CCDC141: variants seen among roughly 807,000 people sequenced by gnomAD.
The protein encoded by CCDC141 is coiled-coil domain-containing protein 141.
A neutral mutation model predicts 181.0 loss-of-function variants in CCDC141; 168 were observed. The observed-to-expected ratio is 0.93, with a 90% CI of 0.82 to 1.05. CCDC141 has a LOEUF of 1.05. Among genes scored for constraint, CCDC141 ranks in the 50% least tolerant of loss-of-function variants. The pLI is 0.00. For synonymous variants in CCDC141, 666 were observed against 642.3 expected (o/e 1.04, Z -0.56); for missense variants, 1,902 against 1,788.5 (o/e 1.06, Z -1.14).
intron 12 of CCDC141, chr2:178,876,565 A>G (rs1326418550): frequency 6.6e-6 from 1 of 152,218 alleles, no homozygotes; most frequent in Non-Finnish European, 1.5e-5. Context: ...ACTTAATACA[A>G]AGATTATGAA....
At position 178,837,648 on chromosome 2, in the gene CCDC141, C is replaced by T. The variant is rs370699879; in HGVS notation, c.3571G>A (p.Val1191Ile). 95 of 1,613,892 alleles carry T rather than the reference C, an allele frequency of 5.9e-5. No homozygotes were observed. The highest frequency in any genetic ancestry group is 5.5e-4 in the Admixed American group (33 of 59,990). The change falls in exon 23 of 24, where the codon GTC becomes ATC. Residue 1191 changes from valine to isoleucine, a missense_variant. Physicochemically the swap from Val to Ile is conservative, Grantham distance 29. Coordinates refer to ENST00000443758, the MANE Select transcript of CCDC141 (RefSeq NM_173648.4). ...TCTTCAGGCAGGAGCAGGTCCTGGACGCCACCCTCCTTGTCAGTGGACACC... is the reference window on the plus strand; with the variant it reads ...TCTTCAGGCAGGAGCAGGTCCTGGATGCCACCCTCCTTGTCAGTGGACACC... ...LKVSTDKEGG[V>I]QDLLLPEDML...
In CCDC141 at chr2:178,829,960, G is replaced by A. The variant is rs762029068; in HGVS notation, c.*4213C>T. 6 of 152,150 alleles carry A rather than the reference G, an allele frequency of 3.9e-5. No homozygotes were observed. Among genetic ancestry groups the A allele is most frequent in the African/African-American group, 1.2e-4 (5 of 41,430 alleles). The allele number at this position is 152,150 out of a possible 1,614,324, so 9.4% of individuals were successfully genotyped here. On this transcript the variant is annotated 3_prime_UTR_variant, in exon 24 of 24. Coordinates refer to ENST00000443758, the MANE Select transcript of CCDC141 (RefSeq NM_173648.4). ...GGAATTCAAATACTCTTAAGTTCTT[G>A]GATTTGGCTTTCTTTATATTTACAA... is the stretch of plus-strand genomic sequence containing the variant.
intron 6 of CCDC141, 43 bp downstream of exon 6, chr2:178,944,492 T>C: frequency 1.1e-6 from 1 of 910,138 alleles, no homozygotes. Context: ...GAAAAGTTAA[T>C]GCATTTTTCA....
chr2:178,845,315 G>A (rs750735842), intron 22 of CCDC141, among the ~76,000 whole-genome samples: 2 of 152,178 alleles, frequency 1.3e-5, no homozygotes, highest in African/African-American at 2.4e-5. Flanking sequence ...GGAAAAGGCA[G>A]CTAGAGATGG....
intron 5 of CCDC141, among the ~76,000 whole-genome samples, chr2:178,960,610 C>T (rs766489643): frequency 6.6e-6 from 1 of 152,156 alleles, no homozygotes; most frequent in Non-Finnish European, 1.5e-5. Flanking sequence ...CCACTCTTCA[C>T]ATCAAATAAT....
Position 178,832,490 on chromosome 2 carries a change from A to T in CCDC141, c.*1683T>A, listed in dbSNP as rs1438406282. The T allele has an allele frequency of 2.0e-5, 3 of 151,172 alleles. No homozygotes were observed. The highest frequency in any genetic ancestry group is 2.1e-4 in the South Asian group (1 of 4,810). 9.4% of individuals were successfully genotyped at this position (151,172 alleles called of 1,614,324 possible). ...CAAAAAAAAAAAAAAAAAACAAAAA[A>T]AACAAAAAAAAGATAGTTAAGAGAA... On this transcript the variant is annotated 3_prime_UTR_variant, in exon 24 of 24. Transcript: ENST00000443758.
chr2:178,841,145 A>G (rs1016642926), intron 22 of CCDC141, among the ~76,000 whole-genome samples: 1 of 152,198 alleles, frequency 6.6e-6, no homozygotes, highest in Non-Finnish European at 1.5e-5. Flanking sequence ...CATTAATGCT[A>G]TTGATGAAAA....
chr2:179,013,733 C>T (rs555522053), intron 2 of CCDC141, among the ~76,000 whole-genome samples: 12 of 151,812 alleles, frequency 7.9e-5, no homozygotes, highest in African/African-American at 1.2e-4. Context: ...TTTGGGAGGC[C>T]GAGGCAGGTG....
rs545227630 is a variant in CCDC141, at chr2:178,905,107, G to A, written c.1265+222C>T. Among the ~76,000 whole-genome samples, 19 of 152,240 alleles carry A rather than the reference G, an allele frequency of 1.2e-4. 1 individual carries two copies. In the South Asian group the frequency reaches 3.9e-3, roughly 32 times the overall value. On this transcript the variant is annotated intron_variant, in intron 8 of 23. Transcript: ENST00000443758. ...AGAAACGAGTAAACAGAAAGCTTTAGCATATGTAAGTCTCCAGGCTCAGAA... is the reference window on the plus strand; with the variant it reads ...AGAAACGAGTAAACAGAAAGCTTTAACATATGTAAGTCTCCAGGCTCAGAA...
Position 178,835,248 on chromosome 2 carries a change from T to C in CCDC141, c.4326-808A>G, listed in dbSNP as rs573503565. 2.0e-5 allele frequency among the ~76,000 whole-genome samples: 3 copies of C among 152,304 alleles called. No homozygotes were observed. The East Asian group carries it at 5.8e-4, about 29-fold the overall frequency. ...GATGTGCTGTTTTAGAGGACTGTAC[T>C]TAATATCACCTCCTGATGAGATCAC... On this transcript the variant is annotated intron_variant, in intron 23 of 23. Coordinates refer to ENST00000443758, the MANE Select transcript of CCDC141 (RefSeq NM_173648.4).
At chr2:179,048,950 T>G (rs1251649146) in intron 1 of CCDC141, among the ~76,000 whole-genome samples, 1 of 152,178 alleles carries the variant, frequency 6.6e-6, no homozygotes, top group Non-Finnish European at 1.5e-5. Flanking sequence ...GAAAAGTCAT[T>G]CAATTAAACC....
chr2:178,934,831 C>T (rs1689224559), intron 6 of CCDC141, among the ~76,000 whole-genome samples: 2 of 152,182 alleles, frequency 1.3e-5, no homozygotes, highest in Admixed American at 6.6e-5. Flanking sequence ...ATAGGAGCTT[C>T]ACTAATGAAT....
intron 7 of CCDC141, among the ~76,000 whole-genome samples, chr2:178,911,302 T>G (rs1337630397): frequency 6.6e-6 from 1 of 152,228 alleles, no homozygotes; most frequent in Non-Finnish European, 1.5e-5. Flanking sequence ...ACGTATTAAC[T>G]TACTTAGACA....
At chr2:178,877,839 T>G (rs1256934672) in intron 12 of CCDC141, 125 bp downstream of exon 12, 2 of 901,486 alleles carry the variant, frequency 2.2e-6, no homozygotes, top group Middle Eastern at 2.5e-4. Context: ...CTAGGTTGAA[T>G]GAAGCTAAAG....
chr2:179,032,161 G>A (rs1051153718), intron 2 of CCDC141, among the ~76,000 whole-genome samples: 1 of 152,078 alleles, frequency 6.6e-6, no homozygotes, highest in Non-Finnish European at 1.5e-5. Context: ...GGGGCTTTAG[G>A]TTCCTCACTC....
At chr2:179,001,012 AT>A (rs2041954637) in intron 2 of CCDC141, among the ~76,000 whole-genome samples, 1 of 152,138 alleles carries the variant, frequency 6.6e-6, no homozygotes, top group Non-Finnish European at 1.5e-5. Flanking sequence ...GGCCTGGGTG[AT>A]GCTCATTTGC....
chr2:178,866,872 C>T (rs1009893464), intron 16 of CCDC141, among the ~76,000 whole-genome samples: 21 of 152,194 alleles, frequency 1.4e-4, no homozygotes, highest in Middle Eastern at 3.4e-3. Flanking sequence ...ATTACAGGCA[C>T]GTAATACCAC....
chr2:179,027,382 C>T (rs377341902), intron 2 of CCDC141, among the ~76,000 whole-genome samples: 58 of 152,136 alleles, frequency 3.8e-4, no homozygotes, highest in African/African-American at 1.3e-3. Context: ...TGGTGGCTCA[C>T]GCCTGTAATC....
chr2:178,871,726 G>A (rs896281023), intron 13 of CCDC141, among the ~76,000 whole-genome samples, 174 bp from the exon 14 acceptor site: 1 of 152,064 alleles, frequency 6.6e-6, no homozygotes, highest in Non-Finnish European at 1.5e-5. Flanking sequence ...CTTGGTTTCT[G>A]CTGCCTTTTT....
Sources: allele counts gnomAD v4.1 joint callset (sites outside exome capture counted in the v4.1 genomes callset), GRCh38; gene constraint gnomAD v4.1.1; transcripts MANE v1.5; gene names NCBI Gene and HGNC (gene_info 2026-07-23, HGNC 2026-07-21).